EFR3B: variants seen among roughly 807,000 people sequenced by gnomAD.
The protein encoded by EFR3B is protein EFR3 homolog B.
Under a neutral mutation model 104.7 loss-of-function variants are expected in EFR3B, and 64 were observed. That is an observed-to-expected ratio of 0.61 (90% CI 0.50 to 0.75). The LOEUF (loss-of-function observed/expected upper bound fraction) is 0.75, where lower values mean the gene tolerates loss of function less well. Ranked by LOEUF, EFR3B falls within the 30% of genes least tolerant of loss-of-function variation. The pLI, the probability that EFR3B is intolerant of heterozygous loss-of-function variation, is 0.00. For synonymous variants in EFR3B, 385 were observed against 417.9 expected, an observed-to-expected ratio of 0.92 and a Z score of 0.96; for missense variants, 750 against 1,078.5, an observed-to-expected ratio of 0.70 and a Z score of 4.27.
chr2:25,154,434 T>G lies in EFR3B; in HGVS notation c.*94T>G. 1.7e-6 allele frequency: 2 copies of G among 1,167,680 alleles called. No homozygotes were observed. The highest frequency in any genetic ancestry group is 1.2e-6 in the Non-Finnish European group (1 of 815,386). 72.3% of individuals were successfully genotyped at this position (1,167,680 alleles called of 1,614,324 possible). A position where few individuals can be genotyped will look rare whatever the true frequency, so the allele number is the denominator to read the frequency against. On this transcript the variant is annotated 3_prime_UTR_variant, in exon 23 of 23. Transcript: ENST00000403714. This position sits in a 1 kb window ranked among gnomAD's most constrained non-coding sequence, Gnocchi z 4.1. ...CACATGGAGATCTGGCTGTGATCTC[T>G]GAGAAAACATCACCTTAGATGGCAG...
intron 4 of EFR3B, among the ~76,000 whole-genome samples, chr2:25,113,237 A>G (rs953881778): frequency 6.6e-6 from 1 of 152,200 alleles, no homozygotes; most frequent in African/African-American, 2.4e-5. Flanking sequence ...ACAAAAAAAC[A>G]AAACCAAATA....
At chr2:25,118,200 C>T (rs1669915640) in intron 4 of EFR3B, among the ~76,000 whole-genome samples, 1 of 152,144 alleles carries the variant, frequency 6.6e-6, no homozygotes, top group African/African-American at 2.4e-5. Flanking sequence ...GGGCTGGTCT[C>T]GAACTCCTGA....
chr2:25,072,727 G>A (rs1193622800), intron 1 of EFR3B, among the ~76,000 whole-genome samples: 2 of 152,006 alleles, frequency 1.3e-5, no homozygotes, highest in Non-Finnish European at 2.9e-5. Context: ...CTCCTCTTCA[G>A]AAAGCCCTCA....
chr2:25,131,575 G>T lies in EFR3B; in HGVS notation c.985+72G>T. 1 of 1,529,152 alleles carries T rather than the reference G, an allele frequency of 6.5e-7. No homozygotes were observed. Among genetic ancestry groups the T allele is most frequent in the South Asian group, 1.2e-5 (1 of 82,740 alleles). The allele number at this position is 1,529,152 out of a possible 1,614,324, so 94.7% of individuals were successfully genotyped here. ...TGCCGCCTCTTACAGAGAGAGGCAA[G>T]GGACAACAGGGAGGGGTCGGAGTCC... On this transcript the variant is annotated intron_variant, in intron 9 of 22. Coordinates refer to ENST00000403714, the MANE Select transcript of EFR3B (RefSeq NM_014971.2). This position sits in a 1 kb window ranked among gnomAD's most constrained non-coding sequence, Gnocchi z 7.6.
intron 1 of EFR3B, chr2:25,079,848 C>G: frequency 3.5e-6 from 3 of 868,962 alleles, no homozygotes; most frequent in Non-Finnish European, 5.9e-6. Flanking sequence ...AACACAGTAT[C>G]CTTAATGATT....
intron 5 of EFR3B, among the ~76,000 whole-genome samples, chr2:25,124,296 G>A (rs2149201928): frequency 7.3e-6 from 1 of 137,238 alleles, no homozygotes; most frequent in South Asian, 2.7e-4. Flanking sequence ...GTGTGTGTGT[G>A]TGTGTGTGTG....
At position 25,103,912 on chromosome 2, in the gene EFR3B, A is replaced by G. The variant is rs1488504548; in HGVS notation, c.363+125A>G. On this transcript the variant is annotated intron_variant, in intron 4 of 22. Transcript: ENST00000403714. ...TTCTTGGTTCCCAACCCTAAGTGTG[A>G]CACACTGCTTGTTTTAGGGTCTCCC... 3 of 1,161,212 alleles carry G rather than the reference A, an allele frequency of 2.6e-6. No homozygotes were observed. In the Admixed American group the frequency reaches 8.3e-5, roughly 32 times the overall value. 71.9% of individuals were successfully genotyped at this position (1,161,212 alleles called of 1,614,324 possible).
At chr2:25,069,438 T>A (rs1668429822) in intron 1 of EFR3B, among the ~76,000 whole-genome samples, 1 of 152,224 alleles carries the variant, frequency 6.6e-6, no homozygotes, top group Non-Finnish European at 1.5e-5. Context: ...AGGCTTAGTC[T>A]GTGACGGTTC....
chr2:25,099,765 C>T lies in EFR3B; in HGVS notation c.213-3872C>T, dbSNP rs777779492. ...CTGTGCAATATCTGAAACTGGGTAGCTGTCCCAGGAGGTATCATGGAGCCT... is the reference window on the plus strand; with the variant it reads ...CTGTGCAATATCTGAAACTGGGTAGTTGTCCCAGGAGGTATCATGGAGCCT... On this transcript the variant is annotated intron_variant, in intron 3 of 22. Coordinates refer to ENST00000403714, the MANE Select transcript of EFR3B (RefSeq NM_014971.2). 1.1e-3 allele frequency among the ~76,000 whole-genome samples: 168 copies of T among 151,612 alleles called. 1 individual carries two copies. The highest frequency in any genetic ancestry group is 1.7e-3 in the South Asian group (8 of 4,792).
chr2:25,139,259 TA>T, intron 16 of EFR3B, 69 bp downstream of exon 16: 2 of 1,504,964 alleles, frequency 1.3e-6, no homozygotes, highest in Non-Finnish European at 1.8e-6. Flanking sequence ...AGCTTTTCCT[TA>T]ATTGCATTAG....
intron 16 of EFR3B, among the ~76,000 whole-genome samples, chr2:25,141,040 CAAAA>C (rs78559860): frequency 1.3e-5 from 1 of 74,418 alleles, no homozygotes. Context: ...GACTCCGTCT[CAAAA>C]AAAAAAAAAA....
At chr2:25,118,763 G>GGGCGT (rs940234895) in intron 4 of EFR3B, among the ~76,000 whole-genome samples, 20 of 127,978 alleles carry the variant, frequency 1.6e-4, no homozygotes, top group African/African-American at 3.9e-4. Flanking sequence ...AAAAAAGGCA[G>GGGCGT]GGCGTGGTGG....
chr2:25,126,568 C>G (rs1670174768), intron 5 of EFR3B, among the ~76,000 whole-genome samples: 1 of 152,042 alleles, frequency 6.6e-6, no homozygotes, highest in African/African-American at 2.4e-5. Context: ...CCATGTTGAC[C>G]AGGCTGTTCT....
Position 25,154,362 on chromosome 2 carries a change from C to T in EFR3B, c.*22C>T, listed in dbSNP as rs1266809653. Reference sequence around the variant, plus strand: ...CTGAATTCCAAGAGCCTGAGCTCCTCAAGGAGATGGGGTCTGAGGAGGGGC... The same window carrying T: ...CTGAATTCCAAGAGCCTGAGCTCCTTAAGGAGATGGGGTCTGAGGAGGGGC... On this transcript the variant is annotated 3_prime_UTR_variant, in exon 23 of 23. Transcript: ENST00000403714. The surrounding 1 kb of genome is among the most constrained non-coding windows in gnomAD (Gnocchi z 4.1). 1 of 1,547,328 alleles carries T rather than the reference C, an allele frequency of 6.5e-7. No homozygotes were observed. The highest frequency in any genetic ancestry group is 8.8e-7 in the Non-Finnish European group (1 of 1,142,818).
chr2:25,106,796 C>G (rs899903580), intron 4 of EFR3B, among the ~76,000 whole-genome samples: 1 of 152,124 alleles, frequency 6.6e-6, no homozygotes, highest in Non-Finnish European at 1.5e-5. Flanking sequence ...GTTGGCCAGG[C>G]TGGTCTCGAA....
intron 2 of EFR3B, 122 bp downstream of exon 2, chr2:25,091,523 G>GA: frequency 1.2e-6 from 1 of 834,878 alleles, no homozygotes; most frequent in Non-Finnish European, 1.8e-6. Flanking sequence ...GGGTCCCTGG[G>GA]CACTGAGCCT....
chr2:25,106,549 C>T (rs1218660019), intron 4 of EFR3B, among the ~76,000 whole-genome samples: 2 of 151,874 alleles, frequency 1.3e-5, no homozygotes, highest in African/African-American at 2.4e-5. Context: ...CCTCCACCTC[C>T]CAGGTTCAAG....
At chr2:25,070,222 C>G (rs2149174058) in intron 1 of EFR3B, among the ~76,000 whole-genome samples, 1 of 152,236 alleles carries the variant, frequency 6.6e-6, no homozygotes, top group East Asian at 1.9e-4. Flanking sequence ...CCTCATTACA[C>G]AATATTTTCC....
intron 21 of EFR3B, 53 bp from the exon 22 acceptor site, chr2:25,153,659 G>A: frequency 3.9e-6 from 6 of 1,543,834 alleles, no homozygotes; most frequent in Non-Finnish European, 5.3e-6. Context: ...CCAGCTGGCA[G>A]AGGTTCTGGA....
Sources: gnomAD v4.1 joint callset for allele counts (sites outside exome capture counted in the v4.1 genomes callset) on GRCh38, gnomAD v4.1.1 for gene constraint, Gnocchi (gnomAD v3.1) non-coding constraint, MANE v1.5 for transcripts, NCBI Gene and HGNC (gene_info 2026-07-23, HGNC 2026-07-21) for gene names.